ZC3H7B: variants seen among roughly 807,000 people sequenced by gnomAD.
ZC3H7B encodes the protein zinc finger CCCH domain-containing protein 7B.
A neutral mutation model predicts 116.0 loss-of-function variants in ZC3H7B; 35 were observed. That is an observed-to-expected ratio of 0.30 (90% CI 0.23 to 0.40). The LOEUF (loss-of-function observed/expected upper bound fraction) is 0.40, where lower values mean the gene tolerates loss of function less well. Ranked by LOEUF, ZC3H7B falls within the 10% of genes least tolerant of loss-of-function variation. The probability of loss-of-function intolerance (pLI) is 1.00; values close to 1 mark genes in which losing one functional copy is unlikely to be tolerated. For missense variants in ZC3H7B, 1,011 were observed against 1,321.5 expected (o/e 0.77, Z 3.64); for synonymous variants, 502 against 545.6 (o/e 0.92, Z 1.11).
At chr22:41,323,366 G>A (rs1241222831) in intron 2 of ZC3H7B, among the ~76,000 whole-genome samples, 3 of 152,190 alleles carry the variant, frequency 2.0e-5, no homozygotes, top group Admixed American at 6.5e-5. Flanking sequence ...AGGTGACTCC[G>A]GCCACTGCTG....
In ZC3H7B at chr22:41,327,403, A is replaced by T; in HGVS notation, c.444+39A>T. 1 of 1,597,814 alleles carries T rather than the reference A, an allele frequency of 6.3e-7. No homozygotes were observed. The highest frequency in any genetic ancestry group is 8.5e-7 in the Non-Finnish European group (1 of 1,176,422). Reference sequence around the variant, plus strand: ...TGCAGCCACGCCGGTGCCTGCTCAGAGGCCAGGCTTCTGACCTTCCGGCCC... The same window carrying T: ...TGCAGCCACGCCGGTGCCTGCTCAGTGGCCAGGCTTCTGACCTTCCGGCCC... On this transcript the variant is annotated intron_variant, in intron 5 of 22. Transcript: ENST00000352645. The surrounding 1 kb of genome is among the most constrained non-coding windows in gnomAD (Gnocchi z 4.5).
intron 16 of ZC3H7B, among the ~76,000 whole-genome samples, chr22:41,350,815 G>A (rs1459504145): frequency 6.6e-6 from 1 of 152,200 alleles, no homozygotes; most frequent in African/African-American, 2.4e-5. Context: ...CAGATCATCA[G>A]CAAGAAACTG....
At chr22:41,340,967 T>C (rs1046570525) in intron 10 of ZC3H7B, 121 bp from the exon 11 acceptor site, 1 of 880,496 alleles carries the variant, frequency 1.1e-6, no homozygotes, top group Admixed American at 2.3e-5. Flanking sequence ...TCAGCAGGAG[T>C]AGGAGAGGAT....
rs976977376 is a variant in ZC3H7B at position 41,326,015 on chromosome 22, G to C, written c.285+97G>C. Reference sequence around the variant, plus strand: ...CATACCCCAGTGAGCCTGTAGACCAGGGCCAGCCTCCTCCCAGCCTGCTTT... The same window carrying C: ...CATACCCCAGTGAGCCTGTAGACCACGGCCAGCCTCCTCCCAGCCTGCTTT... On this transcript the variant is annotated intron_variant, in intron 4 of 22. Coordinates refer to ENST00000352645, the MANE Select transcript of ZC3H7B (RefSeq NM_017590.6). 79 of 1,388,686 alleles carry C rather than the reference G, an allele frequency of 5.7e-5. No individual in the cohort carries two copies. The Admixed American group carries it at 1.8e-3, about 32-fold the overall frequency. 86.0% of individuals were successfully genotyped at this position (1,388,686 alleles called of 1,614,324 possible). A position where few individuals can be genotyped will look rare whatever the true frequency, so the allele number is the denominator to read the frequency against.
intron 13 of ZC3H7B, among the ~76,000 whole-genome samples, chr22:41,344,197 A>G (rs754373078): frequency 6.0e-4 from 92 of 152,288 alleles, no homozygotes; most frequent in Non-Finnish European, 9.4e-4. Flanking sequence ...GCAGCCTCAC[A>G]GCTCTGGAGG....
At chr22:41,355,414 G>A (rs1165043182) in intron 17 of ZC3H7B, 55 bp from the exon 18 acceptor site, 3 of 1,603,400 alleles carry the variant, frequency 1.9e-6, no homozygotes, top group East Asian at 4.5e-5. Context: ...GAGACTCCAG[G>A]GCCTCAGGCC....
chr22:41,305,805 T>C (rs2036033989), intron 1 of ZC3H7B, among the ~76,000 whole-genome samples: 1 of 152,152 alleles, frequency 6.6e-6, no homozygotes, highest in African/African-American at 2.4e-5. Flanking sequence ...GAGATAGATA[T>C]GGACCATTAA....
In ZC3H7B at chr22:41,360,035, A is replaced by G. The variant is rs1287311819; in HGVS notation, c.*2606A>G. 3 of 152,538 alleles carry G rather than the reference A, an allele frequency of 2.0e-5. No homozygotes were observed. The highest frequency in any genetic ancestry group is 4.8e-5 in the African/African-American group (2 of 41,448). 9.4% of individuals were successfully genotyped at this position (152,538 alleles called of 1,614,324 possible). ...ATATTAAATATTCATAAGGTCTAGT[A>G]TCTTGATAATAATGTAGATGTTTTA... On this transcript the variant is annotated 3_prime_UTR_variant, in exon 23 of 23. Coordinates refer to ENST00000352645, the MANE Select transcript of ZC3H7B (RefSeq NM_017590.6).
chr22:41,318,289 G>A (rs1601768025), intron 1 of ZC3H7B, among the ~76,000 whole-genome samples: 1 of 152,008 alleles, frequency 6.6e-6, no homozygotes, highest in Admixed American at 6.6e-5. Context: ...CAGCACTTTG[G>A]GAGGCCGAGG....
intron 2 of ZC3H7B, among the ~76,000 whole-genome samples, chr22:41,321,871 G>C (rs1231946661): frequency 9.1e-6 from 1 of 109,412 alleles, no homozygotes. Flanking sequence ...ACGGAGTCTC[G>C]CTCTGTCGCC....
chr22:41,356,361 C>G lies in ZC3H7B; in HGVS notation c.2402C>G (p.Thr801Ser). 1 of 1,614,114 alleles carries G rather than the reference C, an allele frequency of 6.2e-7. No individual in the cohort carries two copies. Among genetic ancestry groups the G allele is most frequent in the Admixed American group, 1.7e-5 (1 of 60,016 alleles). The change falls in exon 21 of 23, where the codon ACC becomes AGC. Residue 801 changes from threonine to serine, a missense_variant. Thr to Ser is a moderately conservative substitution (Grantham distance 58, BLOSUM62 1). This residue lies in a region of ZC3H7B where 406 missense variants were observed against 590.2 expected (regional missense o/e 0.69). Coordinates refer to ENST00000352645, the MANE Select transcript of ZC3H7B (RefSeq NM_017590.6). ...KENKILDMQQ[T>S]YDMWLKKHNP... ...TGCCCAGTCCTGGACATGCAGCAGACCTATGACATGTGGCTGAAAAAACAC... is the reference window on the plus strand; with the variant it reads ...TGCCCAGTCCTGGACATGCAGCAGAGCTATGACATGTGGCTGAAAAAACAC...
intron 17 of ZC3H7B, among the ~76,000 whole-genome samples, chr22:41,352,127 C>T (rs780184253): frequency 1.3e-5 from 2 of 152,212 alleles, no homozygotes; most frequent in African/African-American, 4.8e-5. Flanking sequence ...TGAGCCTTGT[C>T]GTGTCTCTTT....
chr22:41,353,474 C>G (rs2036678657), intron 17 of ZC3H7B, among the ~76,000 whole-genome samples: 1 of 152,362 alleles, frequency 6.6e-6, no homozygotes, highest in African/African-American at 2.4e-5. Flanking sequence ...CACATCGTCC[C>G]CAGGTGGTGG....
rs1601794205 is a variant in ZC3H7B at position 41,349,713 on chromosome 22, G to A, written c.1948+412G>A. Among the ~76,000 whole-genome samples, 1 of 152,182 alleles carries A rather than the reference G, an allele frequency of 6.6e-6. No homozygotes were observed. Among genetic ancestry groups the A allele is most frequent in the Non-Finnish European group, 1.5e-5 (1 of 68,038 alleles). The stretch of plus-strand genomic sequence containing the variant: ...CATCTCTTCCTCACAGAGCTGCTGC[G>A]GGGATTGGAAGGTGTTCTCCACTCA... On this transcript the variant is annotated intron_variant, in intron 16 of 22. Coordinates refer to ENST00000352645, the MANE Select transcript of ZC3H7B (RefSeq NM_017590.6). The surrounding 1 kb of genome is among the most constrained non-coding windows in gnomAD (Gnocchi z 4.9).
Position 41,345,894 on chromosome 22 carries a change from C to A in ZC3H7B, c.1460-109C>A. ...TAGCTGTGTTGGGGTGGAGCGAAGCCCTGCCTGGCTCATGGGGCCAGAGCC... is the reference window on the plus strand; with the variant it reads ...TAGCTGTGTTGGGGTGGAGCGAAGCACTGCCTGGCTCATGGGGCCAGAGCC... On this transcript the variant is annotated intron_variant, in intron 13 of 22. Transcript: ENST00000352645. 3 of 1,155,058 alleles carry A rather than the reference C, an allele frequency of 2.6e-6. No homozygotes were observed. The Admixed American group carries it at 5.2e-5, about 20-fold the overall frequency. 71.6% of individuals were successfully genotyped at this position (1,155,058 alleles called of 1,614,324 possible).
intron 1 of ZC3H7B, among the ~76,000 whole-genome samples, chr22:41,319,273 T>C (rs755949125): frequency 6.6e-5 from 10 of 152,108 alleles, no homozygotes; most frequent in Non-Finnish European, 1.2e-4. Context: ...TGGTGGCACG[T>C]GCCTGTAGTC....
chr22:41,302,507 G>A lies in ZC3H7B; in HGVS notation c.-7+735G>A, dbSNP rs371469442. Among the ~76,000 whole-genome samples the A allele has an allele frequency of 8.5e-5, 13 of 152,314 alleles. No individual in the cohort carries two copies. The East Asian group carries it at 2.3e-3, about 27-fold the overall frequency. On this transcript the variant is annotated intron_variant, in intron 1 of 22. Coordinates refer to ENST00000352645, the MANE Select transcript of ZC3H7B (RefSeq NM_017590.6). The surrounding 1 kb of genome is among the most constrained non-coding windows in gnomAD (Gnocchi z 5.7). Reference sequence around the variant, plus strand: ...GAGTGCTAGGGGGCTGCGGACCCCGGCTCTGGCGCCTGGGGACGGGGGCGC... The same window carrying A: ...GAGTGCTAGGGGGCTGCGGACCCCGACTCTGGCGCCTGGGGACGGGGGCGC...
rs906939685 is a variant in ZC3H7B at position 41,358,189 on chromosome 22, A to G, written c.*760A>G. 7.9e-5 allele frequency: 12 copies of G among 152,344 alleles called. No individual in the cohort carries two copies. Among genetic ancestry groups the G allele is most frequent in the African/African-American group, 2.4e-4 (10 of 41,426 alleles). The allele number at this position is 152,344 out of a possible 1,614,324, so 9.4% of individuals were successfully genotyped here. ...AGTGGTCCACCCACGGTCCCAGCAC[A>G]AGGCAGAGCTGGGATGAAAACAGGG... On this transcript the variant is annotated 3_prime_UTR_variant, in exon 23 of 23. Coordinates refer to ENST00000352645, the MANE Select transcript of ZC3H7B (RefSeq NM_017590.6).
At chr22:41,333,212 G>A (rs8137373) in intron 7 of ZC3H7B, 38,881 of 152,104 alleles carry the variant, frequency 0.26, 5,712 homozygotes, top group Admixed American at 0.47. Flanking sequence ...CATTCCATAA[G>A]GAGGCCCACA....
Sources: gnomAD v4.1 joint callset for allele counts (sites outside exome capture counted in the v4.1 genomes callset) on GRCh38, gnomAD v4.1.1 for gene constraint, gnomAD v4.1.1 regional missense constraint, Gnocchi (gnomAD v3.1) non-coding constraint, MANE v1.5 for transcripts, NCBI Gene and HGNC (gene_info 2026-07-23, HGNC 2026-07-21) for gene names.